Variants in CTNNA2 observed in about 807,000 individuals in gnomAD.
CTNNA2 encodes the protein catenin alpha-2.
CTNNA2 carries 42 observed loss-of-function variants against 101.0 expected under a neutral mutation model. The observed-to-expected ratio is 0.42, with a 90% CI of 0.32 to 0.54. The LOEUF is 0.54. CTNNA2 is among the 20% of genes least tolerant of loss of function. CTNNA2 has a pLI of 0.14. For synonymous variants in CTNNA2, 450 were observed against 456.4 expected (o/e 0.99, Z 0.18); for missense variants, 871 against 1,223.1 (o/e 0.71, Z 4.29).
At chr2:79,378,001 G>A (rs538297444) in intron 4 of CTNNA2, among the ~76,000 whole-genome samples, 1 of 152,190 alleles carries the variant, frequency 6.6e-6, no homozygotes, top group South Asian at 2.1e-4. Flanking sequence ...TGACATGCAT[G>A]TGGCATCTCA....
intron 11 of CTNNA2, among the ~76,000 whole-genome samples, chr2:80,547,454 A>G (rs1692175719): frequency 6.6e-6 from 1 of 152,112 alleles, no homozygotes; most frequent in African/African-American, 2.4e-5. Context: ...AAACTCTATA[A>G]TTCTCAATAT....
intron 1 of CTNNA2, among the ~76,000 whole-genome samples, chr2:79,586,813 C>T (rs1676522630): frequency 6.6e-6 from 1 of 152,036 alleles, no homozygotes; most frequent in Admixed American, 6.5e-5. Context: ...TCTTTTATCC[C>T]TCACCACCCC....
intron 7 of CTNNA2, among the ~76,000 whole-genome samples, chr2:80,374,390 T>C (rs948363693): frequency 1.3e-5 from 2 of 152,200 alleles, no homozygotes; most frequent in Non-Finnish European, 2.9e-5. Flanking sequence ...GAACATGATT[T>C]TGTTCTTGTT....
chr2:79,872,630 A>G (rs1682679670), intron 5 of CTNNA2, among the ~76,000 whole-genome samples: 2 of 152,182 alleles, frequency 1.3e-5, no homozygotes, highest in African/African-American at 4.8e-5. Context: ...GCAAAGGGGG[A>G]AAAAGATGGT....
At chr2:79,207,459 TGA>T (rs1046596869) in intron 2 of CTNNA2, among the ~76,000 whole-genome samples, 13 of 152,136 alleles carry the variant, frequency 8.5e-5, no homozygotes, top group African/African-American at 3.1e-4. Context: ...GAAAATAATA[TGA>T]GAGTTTCTGA....
intron 7 of CTNNA2, among the ~76,000 whole-genome samples, chr2:79,957,077 C>T (rs560400787): frequency 3.3e-5 from 5 of 151,600 alleles, no homozygotes; most frequent in Non-Finnish European, 5.9e-5. Context: ...AGAGAAGCCC[C>T]TGAGAGATAG....
At chr2:80,170,732 T>C (rs925264199) in intron 7 of CTNNA2, among the ~76,000 whole-genome samples, 1 of 152,234 alleles carries the variant, frequency 6.6e-6, no homozygotes, top group Non-Finnish European at 1.5e-5. Context: ...CACATGTTTA[T>C]TGGTTGAATA....
intron 7 of CTNNA2, among the ~76,000 whole-genome samples, chr2:79,960,972 C>T (rs6755826): frequency 0.53 from 79,847 of 151,996 alleles, 21,853 homozygotes; most frequent in East Asian, 0.61. Flanking sequence ...TGTAGTTTCA[C>T]AAAGAGGCTC....
chr2:80,461,796 GA>G (rs150690445), intron 9 of CTNNA2, among the ~76,000 whole-genome samples: 2,276 of 152,130 alleles, frequency 0.015, 57 homozygotes, highest in African/African-American at 0.051. Flanking sequence ...AAATAATGTC[GA>G]CTTTTTCCAG....
chr2:80,010,625 G>A (rs1161832302), intron 7 of CTNNA2, among the ~76,000 whole-genome samples: 1 of 152,092 alleles, frequency 6.6e-6, no homozygotes, highest in Non-Finnish European at 1.5e-5. Context: ...TTTAGCAAGT[G>A]TAATAATTCC....
At chr2:79,938,670 T>C (rs1471429432) in intron 7 of CTNNA2, among the ~76,000 whole-genome samples, 1 of 152,204 alleles carries the variant, frequency 6.6e-6, no homozygotes, top group African/African-American at 2.4e-5. Context: ...GAGATGGAGG[T>C]GGCTCCAAAG....
intron 7 of CTNNA2, among the ~76,000 whole-genome samples, chr2:80,260,004 G>C (rs1321675475): frequency 6.6e-6 from 1 of 152,154 alleles, no homozygotes; most frequent in African/African-American, 2.4e-5. Flanking sequence ...TATGTTCCAG[G>C]TACTGTGTTG....
chr2:80,411,230 T>A (rs1422583470), intron 8 of CTNNA2, among the ~76,000 whole-genome samples: 1 of 152,222 alleles, frequency 6.6e-6, no homozygotes, highest in Non-Finnish European at 1.5e-5. Context: ...AGAGCAAGTA[T>A]AATTCATCAA....
At chr2:79,527,167 A>G (rs190511962) in intron 1 of CTNNA2, among the ~76,000 whole-genome samples, 1 of 152,240 alleles carries the variant, frequency 6.6e-6, no homozygotes, top group Non-Finnish European at 1.5e-5. Context: ...ACAGCTTAAT[A>G]GTAAAAAGAA....
intron 2 of CTNNA2, among the ~76,000 whole-genome samples, chr2:79,725,583 T>C (rs1450888083): frequency 6.6e-6 from 1 of 152,238 alleles, no homozygotes; most frequent in Non-Finnish European, 1.5e-5. Context: ...GAGAGTTTTT[T>C]TGGATCTCAT....
chr2:80,395,911 C>T (rs1677969811), intron 8 of CTNNA2, among the ~76,000 whole-genome samples: 1 of 152,172 alleles, frequency 6.6e-6, no homozygotes. Context: ...TTTCTAGTGA[C>T]ATCCATCATG....
At chr2:79,436,863 C>T (rs1417688942) in intron 4 of CTNNA2, among the ~76,000 whole-genome samples, 3 of 152,114 alleles carry the variant, frequency 2.0e-5, no homozygotes, top group African/African-American at 4.8e-5. Context: ...AATCTCCTGA[C>T]CTTGTGATCC....
At chr2:79,770,012 T>C (rs1160131194) in intron 3 of CTNNA2, among the ~76,000 whole-genome samples, 6 of 152,210 alleles carry the variant, frequency 3.9e-5, no homozygotes, top group Non-Finnish European at 8.8e-5. Flanking sequence ...ATTGTTACCT[T>C]ACTGGCAGCA....
rs535978459 is a variant in CTNNA2 at position 79,301,345 on chromosome 2, A to G, written c.-405-11364A>G. Among the ~76,000 whole-genome samples, 154 of 152,276 alleles carry G rather than the reference A, an allele frequency of 1.0e-3. 2 individuals are homozygous for G. In the Middle Eastern group the frequency reaches 0.017, roughly 17 times the overall value. ...TAACACAGTTTACAGATACTCCTTA[A>G]ATGAATGTAAGAGCAGATGTCCAAG... On this transcript the variant is annotated intron_variant, in intron 2 of 21. Transcript: ENST00000466387.
Sources: allele counts gnomAD v4.1 joint callset (sites outside exome capture counted in the v4.1 genomes callset), GRCh38; gene constraint gnomAD v4.1.1; transcripts MANE v1.5; gene names NCBI Gene and HGNC (gene_info 2026-07-23, HGNC 2026-07-21).